Variants in HIVEP3 observed in about 807,000 individuals in gnomAD.
HIVEP3 encodes the protein HIVEP zinc finger 3.
A neutral mutation model predicts 152.8 loss-of-function variants in HIVEP3; 49 were observed. That is an observed-to-expected ratio of 0.32 (90% CI 0.26 to 0.41). The LOEUF is 0.41. Among genes scored for constraint, HIVEP3 ranks in the 10% least tolerant of loss-of-function variants. HIVEP3 has a pLI of 1.00. For missense variants in HIVEP3, 2,790 were observed against 3,103.3 expected, an observed-to-expected ratio of 0.90 and a Z score of 2.40; for synonymous variants, 1,269 against 1,289.0, an observed-to-expected ratio of 0.98 and a Z score of 0.33.
rs189817752 is a variant in HIVEP3, at chr1:41,915,307, G to T, written c.-801+3106C>A. Among the ~76,000 whole-genome samples, 281 of 152,260 alleles carry T rather than the reference G, an allele frequency of 1.8e-3. 1 individual carries two copies. Among genetic ancestry groups the T allele is most frequent in the African/African-American group, 6.3e-3 (261 of 41,554 alleles). On this transcript the variant is annotated intron_variant, in intron 1 of 8. Coordinates refer to ENST00000372583, the MANE Select transcript of HIVEP3 (RefSeq NM_024503.5). ...AAAATACATAAAATTTCACTGAATTGCTTACATTAAATGCTCATATCAGCT... is the reference window on the plus strand; with the variant it reads ...AAAATACATAAAATTTCACTGAATTTCTTACATTAAATGCTCATATCAGCT...
intron 1 of HIVEP3, among the ~76,000 whole-genome samples, chr1:41,977,053 T>G (rs921625895): frequency 2.0e-5 from 3 of 152,194 alleles, no homozygotes; most frequent in Non-Finnish European, 4.4e-5. Flanking sequence ...TTTGCAATGT[T>G]AAAACCGTAA....
intron 5 of HIVEP3, among the ~76,000 whole-genome samples, chr1:41,557,679 G>T (rs377622476): frequency 1.3e-5 from 2 of 152,112 alleles, no homozygotes; most frequent in African/African-American, 2.4e-5. Context: ...CTCCAGGGGT[G>T]GGGGGCAGAG....
At chr1:41,646,230 G>T (rs1191731176) in intron 2 of HIVEP3, among the ~76,000 whole-genome samples, 1 of 152,192 alleles carries the variant, frequency 6.6e-6, no homozygotes, top group Non-Finnish European at 1.5e-5. Flanking sequence ...CATCAGCCTT[G>T]TTTAACCTCC....
At chr1:41,949,400 G>A (rs1201804836) in intron 1 of HIVEP3, among the ~76,000 whole-genome samples, 1 of 152,198 alleles carries the variant, frequency 6.6e-6, no homozygotes, top group East Asian at 1.9e-4. Flanking sequence ...TGACTTCCTG[G>A]TCACCTTGCA....
At chr1:41,819,547 C>T (rs72961282) in intron 1 of HIVEP3, among the ~76,000 whole-genome samples, 2,093 of 152,234 alleles carry the variant, frequency 0.014, 50 homozygotes, top group African/African-American at 0.048. Flanking sequence ...TTGTTTTAGC[C>T]ATTTCCCACT....
At chr1:41,985,098 G>A (rs964836863) in intron 1 of HIVEP3, among the ~76,000 whole-genome samples, 6 of 152,170 alleles carry the variant, frequency 3.9e-5, no homozygotes, top group African/African-American at 1.4e-4. Context: ...TTCAAGTTGA[G>A]ATATGAAGGG....
intron 1 of HIVEP3, among the ~76,000 whole-genome samples, chr1:41,811,925 G>A (rs1286059762): frequency 6.6e-6 from 1 of 152,042 alleles, no homozygotes; most frequent in Non-Finnish European, 1.5e-5. Context: ...CTAAAGATGA[G>A]CAAGCAGAGG....
chr1:41,601,083 C>T (rs1232919630), intron 3 of HIVEP3, among the ~76,000 whole-genome samples: 2 of 152,102 alleles, frequency 1.3e-5, no homozygotes, highest in Admixed American at 6.5e-5. Context: ...GGATTTATTT[C>T]GGGTTCTCTG....
chr1:41,824,074 C>T (rs1642687467), intron 1 of HIVEP3, among the ~76,000 whole-genome samples: 2 of 152,160 alleles, frequency 1.3e-5, no homozygotes, highest in Non-Finnish European at 2.9e-5. Context: ...CACTTTCATA[C>T]TAATCTAGCT....
chr1:41,763,397 C>T (rs2124250124), intron 1 of HIVEP3, among the ~76,000 whole-genome samples: 1 of 152,312 alleles, frequency 6.6e-6, no homozygotes, highest in Non-Finnish European at 1.5e-5. Context: ...CTGGCTGCAG[C>T]AGCAGCCATC....
At chr1:41,674,581 C>T (rs1645925679) in intron 2 of HIVEP3, among the ~76,000 whole-genome samples, 1 of 152,170 alleles carries the variant, frequency 6.6e-6, no homozygotes, top group Admixed American at 6.5e-5. Context: ...AGGACCCCTC[C>T]GTAGAGTTTG....
At chr1:41,673,667 G>A in intron 2 of HIVEP3, among the ~76,000 whole-genome samples, 1 of 152,130 alleles carries the variant, frequency 6.6e-6, no homozygotes, top group East Asian at 1.9e-4. Flanking sequence ...AGCTTCTCAA[G>A]CTTGAAGGTT....
chr1:41,787,637 G>A (rs775693201), intron 1 of HIVEP3, among the ~76,000 whole-genome samples: 14 of 149,720 alleles, frequency 9.4e-5, no homozygotes, highest in Non-Finnish European at 1.3e-4. Context: ...GAGCTCCAGC[G>A]ATCCTCCCAA....
intron 1 of HIVEP3, among the ~76,000 whole-genome samples, chr1:41,811,541 C>G (rs1474696943): frequency 6.6e-6 from 1 of 151,930 alleles, no homozygotes; most frequent in South Asian, 2.1e-4. Flanking sequence ...GCTACCACAT[C>G]CTCTTTTTAC....
intron 5 of HIVEP3, among the ~76,000 whole-genome samples, chr1:41,572,920 A>G (rs1644271850): frequency 6.6e-6 from 1 of 152,220 alleles, no homozygotes; most frequent in African/African-American, 2.4e-5. Context: ...CAAATATTTC[A>G]GGTTCTCCCA....
chr1:41,706,432 C>A (rs370537896), intron 1 of HIVEP3, among the ~76,000 whole-genome samples: 2 of 152,190 alleles, frequency 1.3e-5, no homozygotes, highest in Non-Finnish European at 2.9e-5. Context: ...CATGTGTGCA[C>A]CACCACACCT....
intron 4 of HIVEP3, among the ~76,000 whole-genome samples, chr1:41,577,314 T>G (rs1040490525): frequency 5.0e-4 from 76 of 152,370 alleles, no homozygotes; most frequent in African/African-American, 1.8e-3. Context: ...CACAGTCCTA[T>G]GCGCTAAGTG....
chr1:41,706,054 A>G (rs1293405936), intron 1 of HIVEP3, among the ~76,000 whole-genome samples: 5 of 152,230 alleles, frequency 3.3e-5, no homozygotes, highest in African/African-American at 1.2e-4. Flanking sequence ...GGGTACAGCT[A>G]TATCAGAGGT....
At chr1:41,923,728 C>T (rs1336187629), upstream of HIVEP3, among the ~76,000 whole-genome samples, 1 of 152,100 alleles carries the variant, frequency 6.6e-6, no homozygotes, top group African/African-American at 2.4e-5. Flanking sequence ...ATAATGTACA[C>T]TATGCATATA....
Sources: allele counts gnomAD v4.1 joint callset (sites outside exome capture counted in the v4.1 genomes callset), GRCh38; gene constraint gnomAD v4.1.1; transcripts MANE v1.5; gene names NCBI Gene and HGNC (gene_info 2026-07-23, HGNC 2026-07-21).